The following PARD3 variants were observed in gnomAD, a reference collection of about 807,000 sequenced individuals.
PARD3 encodes partitioning defective 3 homolog.
Under a neutral mutation model 155.4 loss-of-function variants are expected in PARD3, and 75 were observed. That is an observed-to-expected ratio of 0.48 (90% CI 0.40 to 0.58). The LOEUF is 0.58. Among genes scored for constraint, PARD3 ranks in the 20% least tolerant of loss-of-function variants. The pLI, the probability that PARD3 is intolerant of heterozygous loss-of-function variation, is 0.00. For synonymous variants in PARD3, 576 were observed against 610.5 expected (o/e 0.94, Z 0.83); for missense variants, 1,642 against 1,721.7 (o/e 0.95, Z 0.82).
At chr10:34,800,536 G>A (rs755402712) in intron 1 of PARD3, among the ~76,000 whole-genome samples, 5 of 151,058 alleles carry the variant, frequency 3.3e-5, no homozygotes, top group Admixed American at 6.6e-5. Flanking sequence ...GCTTGAACCC[G>A]GGAGGCAGAG....
At chr10:34,721,570 A>G (rs1307221292) in intron 1 of PARD3, among the ~76,000 whole-genome samples, 1 of 152,350 alleles carries the variant, frequency 6.6e-6, no homozygotes, top group Admixed American at 6.5e-5. Flanking sequence ...TGATAAGCTG[A>G]GTGACCAGGG....
chr10:34,653,440 A>G (rs952219196), intron 2 of PARD3, among the ~76,000 whole-genome samples: 9 of 152,140 alleles, frequency 5.9e-5, no homozygotes, highest in African/African-American at 1.7e-4. Context: ...AAAGCCATAC[A>G]TCTTCACCTT....
rs1843426672 is a variant in PARD3 at position 34,806,650 on chromosome 10, C to G, written c.120+8226G>C. On this transcript the variant is annotated intron_variant, in intron 1 of 24. Transcript: ENST00000374788. ...CCAGCCAACCCTAAGCAAAATTTAC[C>G]CTAACTCTGAATAGCATCCATTTGA... Among the ~76,000 whole-genome samples the G allele has an allele frequency of 5.9e-5, 9 of 152,296 alleles. No individual in the cohort carries two copies. In the South Asian group the frequency reaches 1.9e-3, roughly 32 times the overall value.
chr10:34,628,261 A>G (rs892532716), intron 2 of PARD3, among the ~76,000 whole-genome samples: 1 of 152,250 alleles, frequency 6.6e-6, no homozygotes, highest in African/African-American at 2.4e-5. Flanking sequence ...GCTCAAGCAC[A>G]TACTCTGCTG....
intron 1 of PARD3, among the ~76,000 whole-genome samples, chr10:34,741,779 T>C (rs193280346): frequency 1.3e-5 from 2 of 152,328 alleles, no homozygotes; most frequent in East Asian, 1.9e-4. Context: ...AAATCTCTTA[T>C]AGTCTAACAG....
chr10:34,441,643 G>A (rs202202716), intron 5 of PARD3, among the ~76,000 whole-genome samples: 2 of 151,970 alleles, frequency 1.3e-5, no homozygotes, highest in East Asian at 3.9e-4. Flanking sequence ...CTTCTAAGAA[G>A]AACGTCCACC....
chr10:34,726,286 T>A (rs760246810), intron 1 of PARD3, among the ~76,000 whole-genome samples: 35 of 152,094 alleles, frequency 2.3e-4, no homozygotes, highest in South Asian at 1.0e-3. Context: ...TGTGTCTCTA[T>A]TAAAAACACA....
chr10:34,219,565 A>T (rs1033072964), intron 22 of PARD3, among the ~76,000 whole-genome samples: 1 of 152,156 alleles, frequency 6.6e-6, no homozygotes, highest in Non-Finnish European at 1.5e-5. Context: ...TGGTAATGAG[A>T]TCTGGGTGAA....
In PARD3 at chr10:34,331,334, G is replaced by C. The variant is rs746219323; in HGVS notation, c.2616C>G (p.Ser872Arg). ...TVDDQKAGSPSRDVGPSLGLK... is the reference protein window; with the variant it reads ...TVDDQKAGSPRRDVGPSLGLK... ...GACCCAGGGAAGGACCCACATCTCT[G>C]CTGGGAGAACCTGGGAGGTTTACAA... Residue 872 changes from serine (S) to arginine (R), a missense_variant, in exon 19 of 25, where the codon AGC becomes AGG. Coordinates refer to ENST00000374788, the MANE Select transcript of PARD3 (RefSeq NM_001184785.2). 1.9e-6 allele frequency: 3 copies of C among 1,611,462 alleles called. No individual in the cohort carries two copies. The highest frequency in any genetic ancestry group is 1.7e-5 in the Admixed American group (1 of 59,952).
chr10:34,719,403 A>C (rs1224682163), intron 1 of PARD3, among the ~76,000 whole-genome samples: 3 of 152,218 alleles, frequency 2.0e-5, no homozygotes, highest in Non-Finnish European at 4.4e-5. Context: ...CTTTAAGTTA[A>C]ATCCCTTCTC....
chr10:34,744,843 G>T (rs1456403952), intron 1 of PARD3, among the ~76,000 whole-genome samples: 4 of 152,130 alleles, frequency 2.6e-5, no homozygotes, highest in African/African-American at 7.2e-5. Flanking sequence ...TGATAAGAGG[G>T]GAGATTAGAA....
chr10:34,596,357 A>C (rs1414227621), intron 2 of PARD3, among the ~76,000 whole-genome samples: 1 of 152,178 alleles, frequency 6.6e-6, no homozygotes, highest in African/African-American at 2.4e-5. Context: ...CACTGTTATG[A>C]AGAAATACCT....
intron 2 of PARD3, among the ~76,000 whole-genome samples, chr10:34,692,204 C>G (rs1230043198): frequency 6.7e-6 from 1 of 148,714 alleles, no homozygotes; most frequent in Non-Finnish European, 1.5e-5. Context: ...TGCACTCCAG[C>G]CTGGGTGATA....
intron 2 of PARD3, among the ~76,000 whole-genome samples, chr10:34,658,456 G>C (rs2093239372): frequency 6.6e-6 from 1 of 152,110 alleles, no homozygotes; most frequent in African/African-American, 2.4e-5. Flanking sequence ...ATTCGGTTAT[G>C]AGAACCTGAA....
intron 3 of PARD3, among the ~76,000 whole-genome samples, chr10:34,494,382 T>C (rs1031809477): frequency 2.0e-5 from 3 of 152,196 alleles, no homozygotes; most frequent in Non-Finnish European, 4.4e-5. Flanking sequence ...AAACAATTCT[T>C]ATACACTTGA....
At chr10:34,442,837 C>A (rs2076537585) in intron 5 of PARD3, among the ~76,000 whole-genome samples, 2 of 152,172 alleles carry the variant, frequency 1.3e-5, no homozygotes, top group Non-Finnish European at 2.9e-5. Context: ...CACCACTGCA[C>A]CCCAGTCTGG....
At chr10:34,207,167 C>G (rs147529631) in intron 22 of PARD3, among the ~76,000 whole-genome samples, 1 of 152,162 alleles carries the variant, frequency 6.6e-6, no homozygotes, top group Non-Finnish European at 1.5e-5. Flanking sequence ...CAGCAATTCA[C>G]GCCTCAAATA....
chr10:34,754,477 G>A (rs7923244), intron 1 of PARD3, among the ~76,000 whole-genome samples: 43,470 of 152,052 alleles, frequency 0.29, 6,538 homozygotes, highest in East Asian at 0.54. Context: ...TAAAAGCAAG[G>A]ATCATATTTT....
At chr10:34,254,699 C>T (rs1954562722) in intron 22 of PARD3, among the ~76,000 whole-genome samples, 1 of 152,090 alleles carries the variant, frequency 6.6e-6, no homozygotes, top group African/African-American at 2.4e-5. Context: ...TAATTCTTAT[C>T]ACTCTGTACA....
Sources: allele counts gnomAD v4.1 joint callset (sites outside exome capture counted in the v4.1 genomes callset), GRCh38; gene constraint gnomAD v4.1.1; transcripts MANE v1.5; gene names NCBI Gene and HGNC (gene_info 2026-07-23, HGNC 2026-07-21).